The following ARHGEF18 variants were observed in gnomAD, a reference collection of about 807,000 sequenced individuals.
ARHGEF18 encodes the protein Rho/Rac guanine nucleotide exchange factor 18.
In ARHGEF18, 93 loss-of-function variants were observed where a neutral mutation model predicts 155.7. The ratio of observed to expected loss-of-function variants is 0.60; its 90% CI spans 0.50 to 0.71. ARHGEF18 has a LOEUF of 0.71. ARHGEF18 is among the 30% of genes least tolerant of loss of function. The probability of loss-of-function intolerance (pLI) is 0.00; values close to 1 mark genes in which losing one functional copy is unlikely to be tolerated. For missense variants in ARHGEF18, 1,593 were observed against 1,816.1 expected (o/e 0.88, Z 2.23); for synonymous variants, 742 against 753.1 (o/e 0.99, Z 0.24).
At chr19:7,477,434 G>A (rs769485771), downstream of ARHGEF18, 72 of 1,435,934 alleles carry the variant, frequency 5.0e-5, no homozygotes, top group Admixed American at 6.0e-4. Context: ...CCGGGGCAGC[G>A]GGCTGTGGGG....
chr19:7,355,964 C>T (rs770916653), intron 1 of ARHGEF18, among the ~76,000 whole-genome samples: 21 of 152,158 alleles, frequency 1.4e-4, no homozygotes, highest in Non-Finnish European at 2.5e-4. Context: ...AAAGAAAGTC[C>T]GCCCTCTTAA....
intron 17 of ARHGEF18, among the ~76,000 whole-genome samples, chr19:7,455,298 C>CA (rs1184729687): frequency 6.6e-6 from 1 of 152,078 alleles, no homozygotes; most frequent in East Asian, 1.9e-4. Flanking sequence ...AGAAACAAGC[C>CA]AAAAAACGGA....
At chr19:7,448,116 A>G (rs1311698154) in intron 15 of ARHGEF18, among the ~76,000 whole-genome samples, 2 of 152,124 alleles carry the variant, frequency 1.3e-5, no homozygotes, top group Non-Finnish European at 2.9e-5. Context: ...TTGTGTCATC[A>G]CTGTTTGGAT....
chr19:7,419,361 G>T (rs9329378), intron 10 of ARHGEF18, among the ~76,000 whole-genome samples: 1 of 130,512 alleles, frequency 7.7e-6, no homozygotes, highest in African/African-American at 3.1e-5. Flanking sequence ...CCCCAGATGC[G>T]CCCACACTTG....
chr19:7,475,026 G>A (rs529980074), downstream of ARHGEF18, among the ~76,000 whole-genome samples: 50 of 152,240 alleles, frequency 3.3e-4, no homozygotes, highest in African/African-American at 1.2e-3. Flanking sequence ...TTGAGCACAG[G>A]AGTTCAAGAC....
intron 6 of ARHGEF18, 58 bp downstream of exon 6, chr19:7,378,509 G>C (rs769756088): frequency 4.3e-5 from 53 of 1,219,420 alleles, no homozygotes; most frequent in Non-Finnish European, 4.9e-5. Flanking sequence ...ACAAAGTCAG[G>C]GCTGCGGGAG....
At position 7,451,325 on chromosome 19, in the gene ARHGEF18, G is replaced by A. The variant is rs569855356; in HGVS notation, c.1855+59G>A. The A allele has an allele frequency of 2.0e-4, 287 of 1,427,230 alleles. 4 individuals carry two copies. In the South Asian group the frequency reaches 2.3e-3, roughly 11 times the overall value. 88.4% of individuals were successfully genotyped at this position (1,427,230 alleles called of 1,614,324 possible). A position where few individuals can be genotyped will look rare whatever the true frequency, so the allele number is the denominator to read the frequency against. On this transcript the variant is annotated intron_variant, in intron 16 of 28. Coordinates refer to ENST00000668164, the MANE Select transcript of ARHGEF18 (RefSeq NM_001367823.1). ...GCTGCTGCAGCACAGGGCTCTCTCC[G>A]TGTACCCACTCCCTATTTGAGCAGC...
At chr19:7,353,796 T>C (rs1969214664) in intron 1 of ARHGEF18, among the ~76,000 whole-genome samples, 1 of 149,378 alleles carries the variant, frequency 6.7e-6, no homozygotes, top group Non-Finnish European at 1.5e-5. Flanking sequence ...CTACTACAAA[T>C]ACAAAAATTA....
In ARHGEF18 at chr19:7,353,604, AAAAAG is replaced by A. The variant is rs199745530; in HGVS notation, c.-111+4378_-111+4382del. ...AAACTCCATCTCAAAAAAAAAAAAG[AAAAAG>A]AAAAGAAAAGAAAAAGAAAAAGAAA... is the stretch of plus-strand genomic sequence containing the variant. On this transcript the variant is annotated intron_variant, in intron 1 of 28. Transcript: ENST00000668164. Among the ~76,000 whole-genome samples the A allele has an allele frequency of 3.9e-3, 587 of 151,274 alleles. 2 individuals are homozygous for A. In the East Asian group the frequency reaches 0.04, roughly 10 times the overall value.
At chr19:7,393,466 C>T (rs1971519134) in intron 10 of ARHGEF18, among the ~76,000 whole-genome samples, 1 of 152,204 alleles carries the variant, frequency 6.6e-6, no homozygotes, top group East Asian at 1.9e-4. Context: ...TCCTCAGACT[C>T]CCAAAGTGTT....
Position 7,466,903 on chromosome 19 carries a change from G to A in ARHGEF18, c.2905-15G>A. On this transcript the variant is annotated splice_polypyrimidine_tract_variant and intron_variant, in intron 23 of 28. Coordinates refer to ENST00000668164, the MANE Select transcript of ARHGEF18 (RefSeq NM_001367823.1). ...TTGAGCCACTCTCTCTGGTTTGACG[G>A]TGTCCTCTTCCCAGGTGGAGGCGCC... The A allele has an allele frequency of 6.2e-7, 1 of 1,613,278 alleles. No individual in the cohort carries two copies. Among genetic ancestry groups the A allele is most frequent in the African/African-American group, 1.3e-5 (1 of 74,950 alleles).
chr19:7,406,910 C>A (rs1972346947), intron 10 of ARHGEF18, among the ~76,000 whole-genome samples: 2 of 150,140 alleles, frequency 1.3e-5, no homozygotes, highest in South Asian at 2.1e-4. Flanking sequence ...CAAAAAAAAA[C>A]AAAAATTAGC....
chr19:7,468,087 G>A (rs1228858923), intron 26 of ARHGEF18, among the ~76,000 whole-genome samples: 2 of 152,134 alleles, frequency 1.3e-5, no homozygotes, highest in Non-Finnish European at 2.9e-5. Flanking sequence ...TGTGGTCCCC[G>A]CTACTTGGAA....
intron 20 of ARHGEF18, among the ~76,000 whole-genome samples, chr19:7,460,970 G>A (rs1451341609): frequency 1.3e-5 from 2 of 151,894 alleles, no homozygotes; most frequent in Non-Finnish European, 2.9e-5. Context: ...TGTGTTTTTA[G>A]TAGAGATGGG....
At chr19:7,451,295 C>G (rs999909119) in intron 16 of ARHGEF18, 29 bp downstream of exon 16, 1 of 1,598,598 alleles carries the variant, frequency 6.3e-7, no homozygotes, top group Admixed American at 1.7e-5. Flanking sequence ...GCCCCGCCCG[C>G]CCGTGCTGCT....
intron 10 of ARHGEF18, among the ~76,000 whole-genome samples, chr19:7,396,772 G>A (rs575954483): frequency 2.0e-5 from 3 of 151,426 alleles, no homozygotes; most frequent in African/African-American, 7.3e-5. Flanking sequence ...GCTGGGTTCT[G>A]GTCCCAGTTC....
chr19:7,363,584 G>A (rs1969724186), intron 2 of ARHGEF18, among the ~76,000 whole-genome samples: 1 of 151,872 alleles, frequency 6.6e-6, no homozygotes. Flanking sequence ...TGAATAAAAT[G>A]AAAGATGGAA....
In ARHGEF18 at chr19:7,466,869, G is replaced by C. The variant is rs374090349; in HGVS notation, c.2905-49G>C. ...AGAAGAAGAAGGCTTGAGTCTAGTC[G>C]GATGGGTCTTGAGCCACTCTCTCTG... is the stretch of plus-strand genomic sequence containing the variant. On this transcript the variant is annotated intron_variant, in intron 23 of 28. Coordinates refer to ENST00000668164, the MANE Select transcript of ARHGEF18 (RefSeq NM_001367823.1). 3.3e-6 allele frequency: 5 copies of C among 1,507,226 alleles called. No individual in the cohort carries two copies. In the East Asian group the frequency reaches 9.0e-5, roughly 27 times the overall value. The allele number at this position is 1,507,226 out of a possible 1,614,324, so 93.4% of individuals were successfully genotyped here.
chr19:7,477,885 G>C, the ARHGEF18 span, among the ~76,000 whole-genome samples: 1 of 152,246 alleles, frequency 6.6e-6, no homozygotes, highest in East Asian at 1.9e-4. Flanking sequence ...AGCCAGGCGT[G>C]CTGGCCCGTG....
Sources: gnomAD v4.1 joint callset for allele counts (sites outside exome capture counted in the v4.1 genomes callset) on GRCh38, gnomAD v4.1.1 for gene constraint, MANE v1.5 for transcripts, NCBI Gene and HGNC (gene_info 2026-07-23, HGNC 2026-07-21) for gene names.